Variants in DRC3 observed in about 807,000 individuals in gnomAD.
DRC3 encodes dynein regulatory complex subunit 3, also known as leucine rich repeat containing 48.
Under a neutral mutation model 57.6 loss-of-function variants are expected in DRC3, and 45 were observed. The observed-to-expected ratio is 0.78, with a 90% confidence interval of 0.62 to 1.00. The LOEUF (loss-of-function observed/expected upper bound fraction) is 1.00. Among genes scored for constraint, DRC3 ranks in the 50% least tolerant of loss-of-function variants. The pLI, the probability that DRC3 is intolerant of heterozygous loss-of-function variation, is 0.00. For missense variants in DRC3, 655 were observed against 675.2 expected, an observed-to-expected ratio of 0.97 and a Z score of 0.33; for synonymous variants, 257 against 272.3, an observed-to-expected ratio of 0.94 and a Z score of 0.55.
chr17:17,984,943 G>A (rs2042889746), intron 4 of DRC3, among the ~76,000 whole-genome samples: 1 of 152,188 alleles, frequency 6.6e-6, no homozygotes, highest in Non-Finnish European at 1.5e-5. Flanking sequence ...GCTCAGGGAG[G>A]CTGACCAGCT....
chr17:17,981,326 C>T (rs372939787), intron 3 of DRC3: 2 of 245,118 alleles, frequency 8.2e-6, no homozygotes, highest in Non-Finnish European at 1.8e-5. Flanking sequence ...TCCCTGCAGA[C>T]GGGACAGCCT....
At chr17:17,994,694 AAG>A (rs892376563) in intron 7 of DRC3, among the ~76,000 whole-genome samples, 18 of 152,110 alleles carry the variant, frequency 1.2e-4, no homozygotes, top group Admixed American at 1.1e-3. Context: ...GAGGCCCCTT[AAG>A]ACCCTTAAGG....
At position 17,994,369 on chromosome 17, in the gene DRC3, C is replaced by A. The variant is rs769140191; in HGVS notation, c.662C>A (p.Ala221Asp). The change falls in exon 7 of 14, where the codon GCC (alanine) becomes GAC (aspartate). Residue 221 changes from alanine (A) to aspartate (D), a missense_variant. Transcript: ENST00000399187. ...AAGCACCAGGAGAACCTGATGCAGG[C>A]CCAGCTGGAGGACGAGCAGGCGCAG... ...ELKHQENLMQ[A>D]QLEDEQAQRE... 7 of 1,555,264 alleles carry A rather than the reference C, an allele frequency of 4.5e-6. No homozygotes were observed. The highest frequency in any genetic ancestry group is 6.1e-6 in the Non-Finnish European group (7 of 1,149,472).
intron 12 of DRC3, among the ~76,000 whole-genome samples, chr17:18,012,066 T>A (rs2044188351): frequency 6.6e-6 from 1 of 152,180 alleles, no homozygotes; most frequent in Non-Finnish European, 1.5e-5. Context: ...TGACCTCAAG[T>A]GATCCGCCCA....
Position 17,977,753 on chromosome 17 carries a change from T to G in DRC3, c.155T>G (p.Phe52Cys). Residue 52 changes from phenylalanine to cysteine, a missense_variant, in exon 3 of 14, where the codon TTT (phenylalanine) becomes TGT (cysteine). By Grantham distance (205) the Phe-to-Cys change is radical. Transcript: ENST00000399187. ...FKDVLSLQLD[F>C]RNILRIDNLW... is the part of the protein sequence containing the mutation. ...GATGTCCTGTCCCTGCAGCTGGACT[T>G]TCGGAGTATGTATCCAAGGTTCAGG... The G allele has an allele frequency of 6.2e-7, 1 of 1,601,040 alleles. No homozygotes were observed. Among genetic ancestry groups the G allele is most frequent in the Non-Finnish European group, 8.5e-7 (1 of 1,172,780 alleles).
chr17:17,979,055 A>T (rs2042530104), intron 3 of DRC3, among the ~76,000 whole-genome samples: 2 of 152,218 alleles, frequency 1.3e-5, no homozygotes. Flanking sequence ...TTGGGGGTGG[A>T]GTACAGTGTT....
chr17:17,986,117 G>C (rs2042944040), intron 4 of DRC3, among the ~76,000 whole-genome samples: 1 of 152,164 alleles, frequency 6.6e-6, no homozygotes, highest in Admixed American at 6.5e-5. Context: ...TTGCCATGTT[G>C]ACCAGGCTGA....
chr17:17,997,735 G>C, intron 9 of DRC3, 101 bp downstream of exon 9: 1 of 1,130,950 alleles, frequency 8.8e-7, no homozygotes, highest in African/African-American at 1.6e-5. Context: ...TGTACCCTCT[G>C]ATGACCCCTG....
intron 3 of DRC3, among the ~76,000 whole-genome samples, chr17:17,980,443 T>C (rs528873755): frequency 7.2e-4 from 110 of 151,900 alleles, no homozygotes; most frequent in African/African-American, 2.4e-3. Flanking sequence ...TACAGGCATA[T>C]GCGGCCACGC....
chr17:18,016,452 T>C lies in DRC3; in HGVS notation c.1459-106T>C, dbSNP rs528966536. 7 of 876,194 alleles carry C rather than the reference T, an allele frequency of 8.0e-6. No homozygotes were observed. The South Asian group carries it at 1.2e-4, about 15-fold the overall frequency. 54.3% of individuals were successfully genotyped at this position (876,194 alleles called of 1,614,324 possible). A position where few individuals can be genotyped will look rare whatever the true frequency, so the allele number is the denominator to read the frequency against. ...GGGGAGGCGCTGAAGCAAATGAGGT[T>C]TGCAGATCTAAAGGAACTATTTTCC... On this transcript the variant is annotated intron_variant, in intron 13 of 13. Transcript: ENST00000399187.
intron 9 of DRC3, among the ~76,000 whole-genome samples, chr17:17,999,048 T>G (rs2043580131): frequency 6.6e-6 from 1 of 152,212 alleles, no homozygotes; most frequent in Non-Finnish European, 1.5e-5. Context: ...GATATTTATC[T>G]GGTCCCTGTA....
At chr17:17,981,157 G>C (rs1032448743) in intron 3 of DRC3, 40 of 192,116 alleles carry the variant, frequency 2.1e-4, no homozygotes, top group African/African-American at 8.5e-4. Context: ...AAGAGAGCTG[G>C]GTGTAGAAAA....
chr17:17,990,330 G>C (rs2043169717), intron 5 of DRC3, among the ~76,000 whole-genome samples: 1 of 152,246 alleles, frequency 6.6e-6, no homozygotes, highest in Admixed American at 6.5e-5. Context: ...CTGCATGCCA[G>C]ACAGGCAGCA....
Position 17,988,532 on chromosome 17 carries a change from A to G in DRC3, c.444+434A>G, listed in dbSNP as rs765449790. 4.4e-4 allele frequency: 72 copies of G among 163,616 alleles called. 1 individual carries two copies. Among genetic ancestry groups the G allele is most frequent in the Non-Finnish European group, 8.5e-4 (64 of 75,024 alleles). The allele number at this position is 163,616 out of a possible 1,614,324, so 10.1% of individuals were successfully genotyped here. ...CCTGAGGAACAATAAAACAAGGCCT[A>G]TGGGTGGTAGGAGGGCACCCTGAGG... On this transcript the variant is annotated intron_variant, in intron 5 of 13. Coordinates refer to ENST00000399187, the MANE Select transcript of DRC3 (RefSeq NM_031294.4).
Position 17,983,819 on chromosome 17 carries a change from T to A in DRC3, c.161-9T>A. The A allele has an allele frequency of 6.2e-7, 1 of 1,601,698 alleles. No individual in the cohort carries two copies. The highest frequency in any genetic ancestry group is 8.6e-7 in the Non-Finnish European group (1 of 1,169,474). ...AACCTGAGACTGAAATCACCTTCCA[T>A]TATTTCAGACATCCTCCGCATAGAC... On this transcript the variant is annotated splice_polypyrimidine_tract_variant and intron_variant, in intron 3 of 13. Transcript: ENST00000399187.
chr17:17,976,400 C>T (rs2042389116), intron 2 of DRC3, among the ~76,000 whole-genome samples: 1 of 152,204 alleles, frequency 6.6e-6, no homozygotes, highest in South Asian at 2.1e-4. Flanking sequence ...CTACTGGAGG[C>T]TGGGCACGGT....
intron 5 of DRC3, among the ~76,000 whole-genome samples, chr17:17,990,734 G>A (rs890740547): frequency 7.1e-4 from 108 of 152,304 alleles, no homozygotes; most frequent in East Asian, 1.9e-4. Context: ...GTTCACACCT[G>A]TAATCCCAGC....
chr17:17,982,135 A>C (rs998474619), intron 3 of DRC3, among the ~76,000 whole-genome samples: 1 of 146,748 alleles, frequency 6.8e-6, no homozygotes, highest in Non-Finnish European at 1.5e-5. Context: ...TGGGATTACA[A>C]GCGCGTGTCA....
At chr17:17,995,273 G>A (rs142781572) in intron 8 of DRC3, among the ~76,000 whole-genome samples, 162 bp downstream of exon 8, 5 of 152,364 alleles carry the variant, frequency 3.3e-5, no homozygotes, top group African/African-American at 7.2e-5. Flanking sequence ...TTCAGAGTCC[G>A]GTCAGCTGAG....
Sources: gnomAD v4.1 joint callset for allele counts (sites outside exome capture counted in the v4.1 genomes callset) on GRCh38, gnomAD v4.1.1 for gene constraint, MANE v1.5 for transcripts, NCBI Gene and HGNC (gene_info 2026-07-23, HGNC 2026-07-21) for gene names.